TRIQK: variants seen among roughly 807,000 people sequenced by gnomAD.
TRIQK encodes the protein triple QxxK/R motif-containing protein.
Under a neutral mutation model 10.8 loss-of-function variants are expected in TRIQK, and 10 were observed. That is an observed-to-expected ratio of 0.92 (90% CI 0.57 to 1.57). TRIQK has a LOEUF of 1.57. Ranked by LOEUF, TRIQK falls within the 40% of genes most tolerant of loss-of-function variation. The pLI is 0.00. For synonymous variants in TRIQK, 33 were observed against 33.7 expected (o/e 0.98, Z 0.07); for missense variants, 107 against 97.7 (o/e 1.09, Z -0.40).
intron 1 of TRIQK, among the ~76,000 whole-genome samples, chr8:92,959,480 T>TACACAC (rs34816958): frequency 3.8e-4 from 55 of 143,732 alleles, no homozygotes; most frequent in African/African-American, 6.1e-4. Context: ...TATATATGCA[T>TACACAC]ACACACACAC....
chr8:93,008,211 A>G (rs1813293683), intron 1 of TRIQK, among the ~76,000 whole-genome samples: 1 of 152,214 alleles, frequency 6.6e-6, no homozygotes, highest in African/African-American at 2.4e-5. Flanking sequence ...TGATGGGCTG[A>G]TAAGTGCAGC....
chr8:92,968,644 G>A (rs559457673), upstream of TRIQK, among the ~76,000 whole-genome samples: 1 of 151,954 alleles, frequency 6.6e-6, no homozygotes, highest in Non-Finnish European at 1.5e-5. Context: ...TTTTTGATGC[G>A]GTTGTTTGTT....
chr8:92,960,582 T>C (rs1812408297), intron 1 of TRIQK: 1 of 152,192 alleles, frequency 6.6e-6, no homozygotes, highest in Non-Finnish European at 1.5e-5. Context: ...TATCTGGATG[T>C]GTCTTCAAAA....
intron 3 of TRIQK, among the ~76,000 whole-genome samples, chr8:92,900,487 TG>T (rs953829434): frequency 6.6e-6 from 1 of 152,176 alleles, no homozygotes; most frequent in Admixed American, 6.6e-5. Flanking sequence ...TACCATTTTT[TG>T]AAGAGACTGT....
chr8:92,902,198 C>A (rs1453953221), intron 3 of TRIQK, among the ~76,000 whole-genome samples: 2 of 152,104 alleles, frequency 1.3e-5, no homozygotes, highest in African/African-American at 4.8e-5. Context: ...TCACGTTTAT[C>A]TAGGATCCCA....
chr8:92,949,574 G>C (rs1389771605), intron 2 of TRIQK, among the ~76,000 whole-genome samples: 2 of 145,810 alleles, frequency 1.4e-5, no homozygotes, highest in Non-Finnish European at 3.0e-5. Context: ...GGGAAGGAAA[G>C]AAAGAAAGAG....
At chr8:92,971,008 A>G (rs556452294), upstream of TRIQK, among the ~76,000 whole-genome samples, 85 of 152,206 alleles carry the variant, frequency 5.6e-4, no homozygotes, top group African/African-American at 2.0e-3. Context: ...TCAGTTTTCT[A>G]CATATGGCTA....
At chr8:92,959,299 T>C (rs191807409) in intron 1 of TRIQK, among the ~76,000 whole-genome samples, 1 of 152,192 alleles carries the variant, frequency 6.6e-6, no homozygotes, top group Admixed American at 6.6e-5. Context: ...TCAGGTTTCC[T>C]CTCTGGCATA....
At chr8:92,951,141 T>A (rs2130665813) in intron 2 of TRIQK, among the ~76,000 whole-genome samples, 1 of 152,192 alleles carries the variant, frequency 6.6e-6, no homozygotes, top group Admixed American at 6.6e-5. Flanking sequence ...GCTTTTTTTT[T>A]ATCCTGAGTA....
intron 2 of TRIQK, among the ~76,000 whole-genome samples, chr8:92,952,860 A>G (rs1811978569): frequency 6.6e-6 from 1 of 152,058 alleles, no homozygotes. Flanking sequence ...GCCATTGCAT[A>G]ACGAGCCACA....
intron 2 of TRIQK, among the ~76,000 whole-genome samples, chr8:92,923,851 G>A (rs1329083729): frequency 4.6e-5 from 7 of 151,860 alleles, no homozygotes; most frequent in South Asian, 2.1e-4. Flanking sequence ...ATCACCTTCC[G>A]ACCAAGTTAT....
chr8:92,983,477 G>T (rs564010168), intron 1 of TRIQK, among the ~76,000 whole-genome samples: 1 of 152,120 alleles, frequency 6.6e-6, no homozygotes, highest in South Asian at 2.1e-4. Flanking sequence ...TTAACCTAGA[G>T]GTTTCATTAT....
At chr8:92,952,130 T>G (rs751961374) in intron 2 of TRIQK, among the ~76,000 whole-genome samples, 15 of 151,396 alleles carry the variant, frequency 9.9e-5, no homozygotes, top group African/African-American at 3.6e-4. Context: ...GAACCAGATA[T>G]GGCAGGGATG....
At chr8:92,965,105 T>C (rs2130727321) in intron 1 of TRIQK, 1 of 152,354 alleles carries the variant, frequency 6.6e-6, no homozygotes, top group African/African-American at 2.4e-5. Context: ...ACCATACTTG[T>C]TGATCATTAA....
At chr8:92,927,855 T>C (rs572667120) in intron 2 of TRIQK, 1 of 152,282 alleles carries the variant, frequency 6.6e-6, no homozygotes, top group Admixed American at 6.5e-5. Flanking sequence ...ATTTGTCTTG[T>C]TTGCTTTTAT....
chr8:93,003,661 C>T (rs1813238261), intron 1 of TRIQK, among the ~76,000 whole-genome samples: 1 of 152,106 alleles, frequency 6.6e-6, no homozygotes, highest in Non-Finnish European at 1.5e-5. Flanking sequence ...TCCAAAAATC[C>T]CATCTGAGAA....
chr8:93,016,438 T>C (rs2130766292), intron 1 of TRIQK, among the ~76,000 whole-genome samples: 1 of 152,374 alleles, frequency 6.6e-6, no homozygotes, highest in South Asian at 2.1e-4. Context: ...ACTAGTTTTC[T>C]AATCTAGTCT....
intron 2 of TRIQK, among the ~76,000 whole-genome samples, chr8:92,937,313 CAT>C (rs1333048398): frequency 9.2e-5 from 14 of 151,702 alleles, no homozygotes; most frequent in Admixed American, 8.5e-4. Context: ...CACACACACA[CAT>C]GCACCCAAAT....
intron 3 of TRIQK, among the ~76,000 whole-genome samples, chr8:92,897,655 C>A (rs1003788168): frequency 1.3e-5 from 2 of 152,000 alleles, no homozygotes; most frequent in African/African-American, 2.4e-5. Context: ...TATAAATTAC[C>A]CAGTCTCAGG....
Sources: gnomAD v4.1 joint callset for allele counts (sites outside exome capture counted in the v4.1 genomes callset) on GRCh38, gnomAD v4.1.1 for gene constraint, MANE v1.5 for transcripts, NCBI Gene and HGNC (gene_info 2026-07-23, HGNC 2026-07-21) for gene names.